The following F7 variants were observed in gnomAD, a reference collection of about 807,000 sequenced individuals.
The protein encoded by F7 is FVII coagulation protein.
Under a neutral mutation model 47.5 loss-of-function variants are expected in F7, and 38 were observed. The observed-to-expected ratio is 0.80, with a 90% confidence interval of 0.62 to 1.05. The LOEUF (loss-of-function observed/expected upper bound fraction) is 1.05, where lower values mean the gene tolerates loss of function less well. F7 is among the 50% of genes least tolerant of loss of function. The probability of loss-of-function intolerance (pLI) is 0.00; values close to 1 mark genes in which losing one functional copy is unlikely to be tolerated. For missense variants in F7, 575 were observed against 605.4 expected (o/e 0.95, Z 0.53); for synonymous variants, 244 against 258.5 (o/e 0.94, Z 0.54).
chr13:113,115,773 G>A lies in F7; in HGVS notation c.478G>A (p.Ala160Thr). Residue 160 changes from alanine (A) to threonine (T), a missense_variant, in exon 5 of 8, where the codon GCA becomes ACA. Transcript: ENST00000346342. ...GTGCCACGAGGGGTACTCTCTGCTG[G>A]CAGACGGGGTGTCCTGCACACCCAC... The part of the protein sequence containing the change: ...CRCHEGYSLL[A>T]DGVSCTPTVE... 1 of 1,613,264 alleles carries A rather than the reference G, an allele frequency of 6.2e-7. No homozygotes were observed. The highest frequency in any genetic ancestry group is 2.2e-5 in the East Asian group (1 of 44,884).
At position 113,113,584 on chromosome 13, in the gene F7, G is replaced by T. The variant is rs575771857; in HGVS notation, c.226-168G>T. Among the ~76,000 whole-genome samples, 1 of 152,200 alleles carries T rather than the reference G, an allele frequency of 6.6e-6. No individual in the cohort carries two copies. The highest frequency in any genetic ancestry group is 2.1e-4 in the South Asian group (1 of 4,834). On this transcript the variant is annotated intron_variant, in intron 2 of 7. Transcript: ENST00000346342. The surrounding 1 kb of genome is among the most constrained non-coding windows in gnomAD (Gnocchi z 4.1). ...TCCAGATGTCCTGGGGAGGGGCCAA[G>T]ATTAGAAGAAACCTACCTCAGCTCC...
In F7 at chr13:113,119,115, AGGGAGGGAGAGGTG is replaced by A. The variant is rs878911655; in HGVS notation, c.*118_*131del. 45 of 480,918 alleles carry A rather than the reference AGGGAGGGAGAGGTG, an allele frequency of 9.4e-5. No homozygotes were observed. Among genetic ancestry groups the A allele is most frequent in the South Asian group, 7.0e-4 (44 of 62,910 alleles). 29.8% of individuals were successfully genotyped at this position (480,918 alleles called of 1,614,324 possible). A position where few individuals can be genotyped will look rare whatever the true frequency, so the allele number is the denominator to read the frequency against. ...TTAATGGGGTAGAGGAGGGCATGGG[AGGGAGGGAGAGGTG>A]GGGAGGGAGACAGAGACAGAAACAG... is the stretch of plus-strand genomic sequence containing the variant. On this transcript the variant is annotated 3_prime_UTR_variant, in exon 8 of 8. Coordinates refer to ENST00000346342, the MANE Select transcript of F7 (RefSeq NM_019616.4).
intron 1 of F7, chr13:113,110,387 G>A (rs1595071593): frequency 2.9e-6 from 1 of 347,910 alleles, no homozygotes; most frequent in African/African-American, 2.2e-5. Context: ...TCGACCCGCA[G>A]CCTCACGTTT....
chr13:113,108,719 G>A (rs1283678143), intron 1 of F7, among the ~76,000 whole-genome samples: 6 of 130,436 alleles, frequency 4.6e-5, no homozygotes, highest in Admixed American at 7.4e-5. Context: ...GGTGTCCCGG[G>A]GGTCGTGGGT....
intron 1 of F7, among the ~76,000 whole-genome samples, chr13:113,109,828 A>C (rs577704015): frequency 5.3e-5 from 8 of 152,172 alleles, no homozygotes; most frequent in Admixed American, 1.3e-4. Flanking sequence ...CCCACAGCTC[A>C]CGGCGCTCCC....
intron 1 of F7, among the ~76,000 whole-genome samples, chr13:113,108,692 A>G (rs3134803): frequency 2.1e-3 from 81 of 39,132 alleles, no homozygotes; most frequent in Admixed American, 3.4e-3. Context: ...CAGAAGTGTG[A>G]GTGTCCCGGG....
intron 4 of F7, 64 bp from the exon 5 acceptor site, chr13:113,115,596 C>A: frequency 6.3e-7 from 1 of 1,575,808 alleles, no homozygotes; most frequent in Middle Eastern, 1.7e-4. Context: ...GCATGGCCAC[C>A]CCGGGGGCTG....
Position 113,119,779 on chromosome 13 carries a change from A to G in F7, c.*771A>G, listed in dbSNP as rs2036271699. ...TGCACACACAGATGCACACACACCG[A>G]TGCTGACTCCATGTGTGCTGTCCTC... is the stretch of plus-strand genomic sequence containing the variant. On this transcript the variant is annotated 3_prime_UTR_variant, in exon 8 of 8. Coordinates refer to ENST00000346342, the MANE Select transcript of F7 (RefSeq NM_019616.4). The G allele has an allele frequency of 6.6e-6, 1 of 152,506 alleles. No homozygotes were observed. The highest frequency in any genetic ancestry group is 2.1e-4 in the South Asian group (1 of 4,846). 9.4% of individuals were successfully genotyped at this position (152,506 alleles called of 1,614,324 possible).
Position 113,119,021 on chromosome 13 carries a change from G to A in F7, c.*13G>A, listed in dbSNP as rs748047055. ...CCCATTTCCCTAGCCCAGCAGCCCT[G>A]GCCTGTGGAGAGAAAGCCAAGGCTG... On this transcript the variant is annotated 3_prime_UTR_variant, in exon 8 of 8. Coordinates refer to ENST00000346342, the MANE Select transcript of F7 (RefSeq NM_019616.4). The A allele has an allele frequency of 6.3e-7, 1 of 1,597,490 alleles. No homozygotes were observed. Among genetic ancestry groups the A allele is most frequent in the Non-Finnish European group, 8.5e-7 (1 of 1,179,268 alleles).
At position 113,110,510 on chromosome 13, in the gene F7, G is replaced by A. The variant is rs565367924; in HGVS notation, c.65-180G>A. 57 of 753,944 alleles carry A rather than the reference G, an allele frequency of 7.6e-5. No individual in the cohort carries two copies. The African/African-American group carries it at 1.0e-3, about 13-fold the overall frequency. 46.7% of individuals were successfully genotyped at this position (753,944 alleles called of 1,614,324 possible). ...GCCAGGCCGGGAAGGATGGGCGACG[G>A]GGGTGGCTGACCCGGGAGCACGGCA... On this transcript the variant is annotated intron_variant, in intron 1 of 7. Transcript: ENST00000346342.
rs940917483 is a variant in F7 at position 113,119,969 on chromosome 13, CT to C, written c.*962del. On this transcript the variant is annotated 3_prime_UTR_variant, in exon 8 of 8. Transcript: ENST00000346342. ...CCGGGCTGCACAGACTATTCCCCAC[CT>C]GCTTCCCAGCTTCACAATAAACGGC... 1 of 152,278 alleles carries C rather than the reference CT, an allele frequency of 6.6e-6. No individual in the cohort carries two copies. Among genetic ancestry groups the C allele is most frequent in the Non-Finnish European group, 1.5e-5 (1 of 68,074 alleles). 9.4% of individuals were successfully genotyped at this position (152,278 alleles called of 1,614,324 possible).
Position 113,115,772 on chromosome 13 carries a change from G to A in F7, c.477G>A (p.Leu159=). The A allele has an allele frequency of 6.2e-7, 1 of 1,613,278 alleles. No individual in the cohort carries two copies. The highest frequency in any genetic ancestry group is 8.5e-7 in the Non-Finnish European group (1 of 1,180,032). Residue 159 remains leucine (L), a synonymous_variant, in exon 5 of 8, where the codon CTG becomes CTA. Coordinates refer to ENST00000346342, the MANE Select transcript of F7 (RefSeq NM_019616.4). The part of the protein sequence containing the change: ...SCRCHEGYSL[L]ADGVSCTPTV... ...GGTGCCACGAGGGGTACTCTCTGCT[G>A]GCAGACGGGGTGTCCTGCACACCCA...
At chr13:113,109,128 G>A (rs796966693) in intron 1 of F7, among the ~76,000 whole-genome samples, 7 of 76,942 alleles carry the variant, frequency 9.1e-5, no homozygotes, top group South Asian at 4.2e-4. Flanking sequence ...GGTGTCCCGG[G>A]GGCGTGGGTG....
intron 2 of F7, among the ~76,000 whole-genome samples, chr13:113,112,795 ACACT>A (rs1320477257): frequency 4.1e-5 from 6 of 145,092 alleles, no homozygotes; most frequent in African/African-American, 7.8e-5. Flanking sequence ...AGGACAACTC[ACACT>A]CACAGGTCAC....
intron 1 of F7, 130 bp downstream of exon 1, chr13:113,106,035 C>T (rs2035946952): frequency 1.4e-6 from 1 of 728,494 alleles, no homozygotes; most frequent in Non-Finnish European, 2.2e-6. Context: ...TTTCTGGCGG[C>T]TCCTGTTCAA....
chr13:113,119,159 AG>A lies in F7; in HGVS notation c.*152del. The A allele has an allele frequency of 1.5e-6, 1 of 678,250 alleles. No individual in the cohort carries two copies. Among genetic ancestry groups the A allele is most frequent in the South Asian group, 1.7e-5 (1 of 57,890 alleles). 42.0% of individuals were successfully genotyped at this position (678,250 alleles called of 1,614,324 possible). On this transcript the variant is annotated 3_prime_UTR_variant, in exon 8 of 8. Transcript: ENST00000346342. ...GGGAGACAGAGACAGAAACAGAGAG[AG>A]ACAGAGACAGAGAGAGACTGAGGGA... is the stretch of plus-strand genomic sequence containing the variant.
chr13:113,110,393 C>A, intron 1 of F7: 1 of 362,818 alleles, frequency 2.8e-6, no homozygotes, highest in Non-Finnish European at 5.0e-6. Flanking sequence ...CGCAGCCTCA[C>A]GTTTACGCGG....
At position 113,113,915 on chromosome 13, in the gene F7, A is replaced by G. The variant is rs1293987567; in HGVS notation, c.319A>G (p.Ile107Val). 9.3e-6 allele frequency: 15 copies of G among 1,613,964 alleles called. No homozygotes were observed. The highest frequency in any genetic ancestry group is 1.6e-4 in the Middle Eastern group (1 of 6,084). Residue 107 changes from isoleucine to valine, a missense_variant, in exon 4 of 8, where the codon ATC (isoleucine) becomes GTC (valine). Coordinates refer to ENST00000346342, the MANE Select transcript of F7 (RefSeq NM_019616.4). This position sits in a 1 kb window ranked among gnomAD's most constrained non-coding sequence, Gnocchi z 4.1. ...CTGCAAGGACCAGCTCCAGTCCTAT[A>G]TCTGCTTCTGCCTCCCTGCCTTCGA... Reference protein sequence around the residue: ...GSCKDQLQSYICFCLPAFEGR... With the variant: ...GSCKDQLQSYVCFCLPAFEGR...
rs3093249 is a variant in F7 at position 113,119,162 on chromosome 13, C to CAA, written c.*155_*156insAA. 79,063 of 667,608 alleles carry CAA rather than the reference C, an allele frequency of 0.12. 7,952 individuals are homozygous for CAA. The highest frequency in any genetic ancestry group is 0.31 in the African/African-American group (17,017 of 54,274). The allele number at this position is 667,608 out of a possible 1,614,324, so 41.4% of individuals were successfully genotyped here. ...AGACAGAGACAGAAACAGAGAGAGA[C>CAA]AGAGACAGAGAGAGACTGAGGGAGA... On this transcript the variant is annotated 3_prime_UTR_variant, in exon 8 of 8. Transcript: ENST00000346342.
Sources: gnomAD v4.1 joint callset for allele counts (sites outside exome capture counted in the v4.1 genomes callset) on GRCh38, gnomAD v4.1.1 for gene constraint, Gnocchi (gnomAD v3.1) non-coding constraint, MANE v1.5 for transcripts, NCBI Gene and HGNC (gene_info 2026-07-23, HGNC 2026-07-21) for gene names.